NECTIN3: variants seen among roughly 807,000 people sequenced by gnomAD.
The protein encoded by NECTIN3 is nectin cell adhesion molecule 3.
Under a neutral mutation model 49.4 loss-of-function variants are expected in NECTIN3, and 8 were observed. That is an observed-to-expected ratio of 0.16 (90% CI 0.10 to 0.29). NECTIN3 has a LOEUF of 0.29. Among genes scored for constraint, NECTIN3 ranks in the 10% least tolerant of loss-of-function variants. NECTIN3 has a pLI of 1.00. For missense variants in NECTIN3, 581 were observed against 654.6 expected, an observed-to-expected ratio of 0.89 and a Z score of 1.23; for synonymous variants, 277 against 241.1, an observed-to-expected ratio of 1.15 and a Z score of -1.38.
At chr3:111,082,945 C>G (rs1194083385) in intron 1 of NECTIN3, among the ~76,000 whole-genome samples, 2 of 152,134 alleles carry the variant, frequency 1.3e-5, no homozygotes, top group African/African-American at 4.8e-5. Context: ...GTGCAGTTCT[C>G]AGTAGGGTTC....
At chr3:111,179,206 G>C (rs2035584895) in intron 7 of NECTIN3, among the ~76,000 whole-genome samples, 1 of 152,084 alleles carries the variant, frequency 6.6e-6, no homozygotes, top group Non-Finnish European at 1.5e-5. Flanking sequence ...CTCTCCTCCA[G>C]TCTATCTAAG....
At position 111,136,559 on chromosome 3, in the gene NECTIN3, A is replaced by G; in HGVS notation, c.*2344A>G. 1.1e-6 allele frequency: 1 copy of G among 951,374 alleles called. No homozygotes were observed. Among genetic ancestry groups the G allele is most frequent in the African/African-American group, 1.8e-5 (1 of 56,514 alleles). The allele number at this position is 951,374 out of a possible 1,614,324, so 58.9% of individuals were successfully genotyped here. A position where few individuals can be genotyped will look rare whatever the true frequency, so the allele number is the denominator to read the frequency against. On this transcript the variant is annotated 3_prime_UTR_variant, in exon 6 of 6. Coordinates refer to ENST00000485303, the MANE Select transcript of NECTIN3 (RefSeq NM_015480.3). ...AACTTTATGTATATTTACTGTACAT[A>G]GAGACTTGTTTGAAAACATGAATAG... is the stretch of plus-strand genomic sequence containing the variant.
Position 111,135,743 on chromosome 3 carries a change from G to A in NECTIN3, c.*1528G>A. ...ATTCATCAAATCTAAAACATTTAGG[G>A]GGCAAAATTCTAACATGTTCATGGT... On this transcript the variant is annotated 3_prime_UTR_variant, in exon 6 of 6. Coordinates refer to ENST00000485303, the MANE Select transcript of NECTIN3 (RefSeq NM_015480.3). 1 of 962,634 alleles carries A rather than the reference G, an allele frequency of 1.0e-6. No individual in the cohort carries two copies. Among genetic ancestry groups the A allele is most frequent in the Non-Finnish European group, 1.2e-6 (1 of 809,654 alleles). The allele number at this position is 962,634 out of a possible 1,614,324, so 59.6% of individuals were successfully genotyped here.
At chr3:111,103,474 A>C (rs998596619) in intron 1 of NECTIN3, among the ~76,000 whole-genome samples, 4 of 150,784 alleles carry the variant, frequency 2.7e-5, no homozygotes, top group East Asian at 2.0e-4. Flanking sequence ...TTTTAAATTA[A>C]CTTTGTATTC....
chr3:111,167,879 T>C (rs2035351175), intron 7 of NECTIN3, among the ~76,000 whole-genome samples: 1 of 152,102 alleles, frequency 6.6e-6, no homozygotes, highest in South Asian at 2.1e-4. Context: ...ACTCACTTTT[T>C]TTTTCTTTTT....
intron 1 of NECTIN3, among the ~76,000 whole-genome samples, chr3:111,083,890 C>T (rs1170961087): frequency 6.6e-6 from 1 of 152,164 alleles, no homozygotes; most frequent in Non-Finnish European, 1.5e-5. Context: ...CTTTGCTGCT[C>T]ATAGAAACTG....
chr3:111,129,884 A>C (rs559039958), intron 5 of NECTIN3, among the ~76,000 whole-genome samples: 1 of 151,964 alleles, frequency 6.6e-6, no homozygotes, highest in Admixed American at 6.6e-5. Context: ...TCCTGAGCTC[A>C]GGCAATCCAC....
intron 7 of NECTIN3, among the ~76,000 whole-genome samples, chr3:111,150,586 A>G (rs2034979607): frequency 2.0e-5 from 3 of 151,998 alleles, no homozygotes; most frequent in Admixed American, 2.0e-4. Flanking sequence ...TAGGTTCCAC[A>G]TAGCAGCTAA....
rs934023935 is a variant in NECTIN3 at position 111,072,372 on chromosome 3, G to A, written c.160+195G>A. ...GAAGGGCCAGGCCAGCGAATGCTGA[G>A]CCGGCGGCCCGCTGCCCTCCCCCGC... On this transcript the variant is annotated intron_variant, in intron 1 of 5. Transcript: ENST00000485303. 1.5e-5 allele frequency: 23 copies of A among 1,485,722 alleles called. 1 individual carries two copies. The highest frequency in any genetic ancestry group is 5.0e-5 in the East Asian group (2 of 39,974). 92.0% of individuals were successfully genotyped at this position (1,485,722 alleles called of 1,614,324 possible).
chr3:111,115,088 A>C (rs887882801), intron 2 of NECTIN3, among the ~76,000 whole-genome samples: 1 of 152,176 alleles, frequency 6.6e-6, no homozygotes, highest in African/African-American at 2.4e-5. Context: ...CATTGTAGAC[A>C]GCATCCGTGG....
intron 1 of NECTIN3, chr3:111,072,479 G>A: frequency 2.0e-6 from 3 of 1,535,848 alleles, no homozygotes; most frequent in South Asian, 1.2e-5. Context: ...TCCGGGGACC[G>A]TTACTTCCTC....
chr3:111,191,541 A>G (rs1003902289), upstream of NECTIN3, among the ~76,000 whole-genome samples: 1 of 152,072 alleles, frequency 6.6e-6, no homozygotes, highest in Non-Finnish European at 1.5e-5. Context: ...GAAAACTGAA[A>G]AAAATTCTTC....
chr3:111,145,547 A>G lies in NECTIN3; in HGVS notation c.1139+510A>G, dbSNP rs547884691. Among the ~76,000 whole-genome samples the G allele has an allele frequency of 8.5e-4, 130 of 152,286 alleles. 1 individual carries two copies. Among genetic ancestry groups the G allele is most frequent in the African/African-American group, 2.9e-3 (119 of 41,568 alleles). ...CATCTTCTTATTTAAAGAATAAGCA[A>G]TATTTTTGACCTAGTCATTGAGATA... is the stretch of plus-strand genomic sequence containing the variant. On this transcript the variant is annotated intron_variant, in intron 6 of 8. Coordinates refer to the NECTIN3 transcript ENST00000493615.
At chr3:111,144,938 G>C in exon 6 of NECTIN3, 1 of 1,536,224 alleles carries the variant, frequency 6.5e-7, no homozygotes, top group Non-Finnish European at 8.7e-7. Flanking sequence ...GCTGTAGCTG[G>C]AGCGGTAATT....
chr3:111,113,982 CTAAA>C (rs545454977), intron 2 of NECTIN3, among the ~76,000 whole-genome samples: 453 of 151,932 alleles, frequency 3.0e-3, no homozygotes, highest in African/African-American at 8.8e-3. Context: ...GACTGTGTCT[CTAAA>C]TAAATAAATA....
chr3:111,072,116 C>A lies in NECTIN3; in HGVS notation c.99C>A (p.Pro33=). 1 of 1,549,632 alleles carries A rather than the reference C, an allele frequency of 6.5e-7. No homozygotes were observed. Among genetic ancestry groups the A allele is most frequent in the Non-Finnish European group, 8.7e-7 (1 of 1,146,222 alleles). The change falls in exon 1 of 6, where the codon CCC becomes CCA. Residue 33 remains proline (P), a synonymous_variant. Transcript: ENST00000485303. ...TCGGAGCCGGGCTCCTGCTGCAGCC[C>A]CCGACGCCACCTCCGCTGCTGCTGC... The part of the protein sequence containing the change: ...SLLGAGLLLQ[P]PTPPPLLLLL...
intron 3 of NECTIN3, among the ~76,000 whole-genome samples, chr3:111,120,729 G>A (rs2033912448): frequency 6.6e-6 from 1 of 151,990 alleles, no homozygotes; most frequent in Admixed American, 6.6e-5. Context: ...AGTTTTCTAT[G>A]TAGCTCACAG....
At chr3:111,137,978 A>G (rs2034641464), downstream of NECTIN3, among the ~76,000 whole-genome samples, 1 of 151,470 alleles carries the variant, frequency 6.6e-6, no homozygotes. Context: ...CATTCTCCAT[A>G]GTTATAAATT....
chr3:111,193,402 G>C (rs774569592), intron 1 of NECTIN3: 12 of 1,523,986 alleles, frequency 7.9e-6, no homozygotes, highest in Non-Finnish European at 1.1e-5. Flanking sequence ...TCCAATGGGC[G>C]TTCTAACAAA....
Sources: allele counts gnomAD v4.1 joint callset (sites outside exome capture counted in the v4.1 genomes callset), GRCh38; gene constraint gnomAD v4.1.1; transcripts MANE v1.5; gene names NCBI Gene and HGNC (gene_info 2026-07-23, HGNC 2026-07-21).